DPP10: variants seen among roughly 807,000 people sequenced by gnomAD.
DPP10 encodes dipeptidyl peptidase like 10, also known as inactive dipeptidyl peptidase 10.
Under a neutral mutation model 120.9 loss-of-function variants are expected in DPP10, and 33 were observed. The ratio of observed to expected loss-of-function variants is 0.27; its 90% CI spans 0.21 to 0.37. DPP10 has a LOEUF of 0.37. Among genes scored for constraint, DPP10 ranks in the 10% least tolerant of loss-of-function variants. The probability of loss-of-function intolerance (pLI) is 1.00; values close to 1 mark genes in which losing one functional copy is unlikely to be tolerated. For synonymous variants in DPP10, 337 were observed against 326.1 expected, an observed-to-expected ratio of 1.03 and a Z score of -0.36; for missense variants, 816 against 942.8, an observed-to-expected ratio of 0.87 and a Z score of 1.76.
chr2:114,471,774 T>C (rs147706087), intron 1 of DPP10, among the ~76,000 whole-genome samples: 1 of 151,888 alleles, frequency 6.6e-6, no homozygotes, highest in Non-Finnish European at 1.5e-5. Context: ...TGGAGCAGAG[T>C]TCAACAGGTA....
At chr2:115,073,585 G>C (rs541182626) in intron 1 of DPP10, among the ~76,000 whole-genome samples, 11 of 152,308 alleles carry the variant, frequency 7.2e-5, no homozygotes, top group African/African-American at 2.6e-4. Flanking sequence ...ATTTATCTGG[G>C]TCACCTTTGC....
At chr2:114,921,814 A>G (rs1223789111) in intron 1 of DPP10, among the ~76,000 whole-genome samples, 1 of 152,258 alleles carries the variant, frequency 6.6e-6, no homozygotes, top group Non-Finnish European at 1.5e-5. Flanking sequence ...TCACATTACT[A>G]GACATTCAAT....
chr2:114,952,865 A>C (rs139529363), intron 1 of DPP10, among the ~76,000 whole-genome samples: 2 of 152,196 alleles, frequency 1.3e-5, no homozygotes, highest in Admixed American at 1.3e-4. Context: ...TGTGAGGAGG[A>C]GTTGTCATTA....
chr2:115,050,322 A>G (rs1354583590), intron 1 of DPP10: 2 of 152,180 alleles, frequency 1.3e-5, no homozygotes, highest in Non-Finnish European at 1.5e-5. Context: ...TTTCTAGTAC[A>G]GGTAATCAGT....
chr2:115,186,723 G>A (rs1433249326), intron 1 of DPP10, among the ~76,000 whole-genome samples: 1 of 152,186 alleles, frequency 6.6e-6, no homozygotes, highest in Non-Finnish European at 1.5e-5. Flanking sequence ...GAGGTGGTGT[G>A]TGATGAGGTA....
chr2:115,511,168 AT>A (rs894952521), intron 4 of DPP10, among the ~76,000 whole-genome samples: 5 of 151,938 alleles, frequency 3.3e-5, no homozygotes, highest in Middle Eastern at 3.4e-3. Flanking sequence ...TTTATGAAGG[AT>A]TTTTTTTAAT....
At chr2:114,768,262 A>G (rs1417291859) in intron 1 of DPP10, among the ~76,000 whole-genome samples, 1 of 152,208 alleles carries the variant, frequency 6.6e-6, no homozygotes, top group Non-Finnish European at 1.5e-5. Context: ...GACTTCCACC[A>G]AAGGAATTTC....
intron 22 of DPP10, 76 bp from the exon 23 acceptor site, chr2:115,836,431 A>C: frequency 6.5e-7 from 1 of 1,542,192 alleles, no homozygotes; most frequent in Non-Finnish European, 8.8e-7. Context: ...TTAAATGTAA[A>C]ATGAAGAAAT....
chr2:114,830,475 C>A (rs1686999009), intron 1 of DPP10, among the ~76,000 whole-genome samples: 1 of 152,148 alleles, frequency 6.6e-6, no homozygotes. Flanking sequence ...TGTTTACTCA[C>A]TTATTGTAAA....
intron 1 of DPP10, among the ~76,000 whole-genome samples, chr2:114,996,799 C>T (rs1701113387): frequency 2.0e-5 from 3 of 151,546 alleles, no homozygotes; most frequent in Non-Finnish European, 4.4e-5. Context: ...CTGGCTAACA[C>T]AGTGAAACTC....
intron 1 of DPP10, among the ~76,000 whole-genome samples, chr2:115,164,714 A>G (rs1384976638): frequency 3.3e-5 from 5 of 152,180 alleles, no homozygotes; most frequent in Non-Finnish European, 5.9e-5. Flanking sequence ...GAAAATGGTT[A>G]TGAACCATAT....
chr2:114,806,769 G>A (rs1684756156), intron 1 of DPP10, among the ~76,000 whole-genome samples: 1 of 152,100 alleles, frequency 6.6e-6, no homozygotes, highest in Non-Finnish European at 1.5e-5. Flanking sequence ...AGACAATAGT[G>A]TCACAATCCA....
intron 1 of DPP10, among the ~76,000 whole-genome samples, chr2:114,793,178 G>A (rs879837250): frequency 5.9e-5 from 9 of 151,880 alleles, no homozygotes; most frequent in Non-Finnish European, 8.8e-5. Flanking sequence ...TTTAAGTTCT[G>A]GGATACATGT....
At chr2:114,524,680 CA>C (rs1336205506) in intron 1 of DPP10, among the ~76,000 whole-genome samples, 2 of 152,106 alleles carry the variant, frequency 1.3e-5, no homozygotes, top group African/African-American at 4.8e-5. Flanking sequence ...TAAATTTCAG[CA>C]GAGGAAAGCT....
chr2:115,038,924 C>T (rs774850251), intron 1 of DPP10, among the ~76,000 whole-genome samples: 2 of 152,116 alleles, frequency 1.3e-5, no homozygotes, highest in East Asian at 1.9e-4. Flanking sequence ...CTCAGATCAC[C>T]GAAGCCCTTA....
intron 3 of DPP10, among the ~76,000 whole-genome samples, chr2:115,407,340 C>T (rs984309163): frequency 6.6e-6 from 1 of 152,138 alleles, no homozygotes; most frequent in African/African-American, 2.4e-5. Flanking sequence ...CATTCCCCCT[C>T]GAAAGGAGCA....
In DPP10 at chr2:114,547,458, T is replaced by A. The variant is rs186908693; in HGVS notation, c.60+104620T>A. Among the ~76,000 whole-genome samples, 573 of 152,238 alleles carry A rather than the reference T, an allele frequency of 3.8e-3. 9 individuals carry two copies. Among genetic ancestry groups the A allele is most frequent in the African/African-American group, 0.013 (542 of 41,546 alleles). ...ACCACAGAAGAAAAGAAATAGCTTT[T>A]TTTTTTTCCTTTTTCCATAAAGCAG... On this transcript the variant is annotated intron_variant, in intron 1 of 25. Coordinates refer to ENST00000410059, the MANE Select transcript of DPP10 (RefSeq NM_020868.6).
rs557673016 is a variant in DPP10 at position 115,768,444 on chromosome 2, C to T, written c.1221+40C>T. On this transcript the variant is annotated intron_variant, in intron 13 of 25. Coordinates refer to ENST00000410059, the MANE Select transcript of DPP10 (RefSeq NM_020868.6). The stretch of plus-strand genomic sequence containing the variant: ...TTTTCCATGTTTTGATTTCATTGTC[C>T]TCATGTCCCCGAAGGCCCAGTTCTT... The T allele has an allele frequency of 8.4e-5, 132 of 1,569,766 alleles. 4 individuals are homozygous for T. The South Asian group carries it at 1.4e-3, about 17-fold the overall frequency.
chr2:115,626,576 T>G (rs1296449109), intron 5 of DPP10, among the ~76,000 whole-genome samples: 1 of 152,164 alleles, frequency 6.6e-6, no homozygotes, highest in African/African-American at 2.4e-5. Context: ...ATTGGTGTGG[T>G]CATTCTCACA....
Sources: allele counts gnomAD v4.1 joint callset (sites outside exome capture counted in the v4.1 genomes callset), GRCh38; gene constraint gnomAD v4.1.1; transcripts MANE v1.5; gene names NCBI Gene and HGNC (gene_info 2026-07-23, HGNC 2026-07-21).